SLC29A2: variants seen among roughly 807,000 people sequenced by gnomAD.
The protein encoded by SLC29A2 is solute carrier family 29 member 2.
Under a neutral mutation model 48.8 loss-of-function variants are expected in SLC29A2, and 37 were observed. That is an observed-to-expected ratio of 0.76 (90% CI 0.58 to 1.00). The LOEUF (loss-of-function observed/expected upper bound fraction) is 1.00, where lower values mean the gene tolerates loss of function less well. SLC29A2 is among the 50% of genes least tolerant of loss of function. The pLI, the probability that SLC29A2 is intolerant of heterozygous loss-of-function variation, is 0.00. For missense variants in SLC29A2, 533 were observed against 578.6 expected (o/e 0.92, Z 0.81); for synonymous variants, 233 against 261.7 (o/e 0.89, Z 1.06).
At chr11:66,364,111 G>T in intron 11 of SLC29A2, 114 bp downstream of exon 11, 3 of 890,080 alleles carry the variant, frequency 3.4e-6, no homozygotes, top group Non-Finnish European at 5.3e-6. Flanking sequence ...AGACAGCTAG[G>T]GTTGGGCTGG....
At chr11:66,368,452 C>T in intron 5 of SLC29A2, 85 bp downstream of exon 5, 2 of 1,558,356 alleles carry the variant, frequency 1.3e-6, no homozygotes, top group South Asian at 1.1e-5. Context: ...TCACCCAGAA[C>T]CCATGTGTCT....
At position 66,371,561 on chromosome 11, in the gene SLC29A2, A is replaced by G; in HGVS notation, c.29+2T>C. 6.5e-7 allele frequency: 1 copy of G among 1,550,022 alleles called. No homozygotes were observed. The highest frequency in any genetic ancestry group is 8.7e-7 in the Non-Finnish European group (1 of 1,148,086). On this transcript the variant is annotated splice_donor_variant, in intron 1 of 11. Transcript: ENST00000357440. LOFTEE classifies it high-confidence loss of function. ...ACTTGCAACGCACCCGGGCCCACTCACCTGTCCCGCGGGGCGTCTCCTCGC... is the reference window on the plus strand; with the variant it reads ...ACTTGCAACGCACCCGGGCCCACTCGCCTGTCCCGCGGGGCGTCTCCTCGC...
Position 66,362,921 on chromosome 11 carries a change from A to ATC in SLC29A2, c.*514_*515insGA. ...CGGAGTGGGTACAGTAAGTGTTGGCAATGAAAACACTGCTTGAGGCTGAGC... is the reference window on the plus strand; with the variant it reads ...CGGAGTGGGTACAGTAAGTGTTGGCATCATGAAAACACTGCTTGAGGCTGAGC... On this transcript the variant is annotated 3_prime_UTR_variant, in exon 12 of 12. Coordinates refer to ENST00000357440, the MANE Select transcript of SLC29A2 (RefSeq NM_001532.3). 1 of 206,618 alleles carries ATC rather than the reference A, an allele frequency of 4.8e-6. No individual in the cohort carries two copies. The highest frequency in any genetic ancestry group is 1.2e-4 in the East Asian group (1 of 8,252). The allele number at this position is 206,618 out of a possible 1,614,324, so 12.8% of individuals were successfully genotyped here. A position where few individuals can be genotyped will look rare whatever the true frequency, so the allele number is the denominator to read the frequency against.
chr11:66,368,163 G>A (rs1855817674), intron 5 of SLC29A2, among the ~76,000 whole-genome samples: 1 of 152,164 alleles, frequency 6.6e-6, no homozygotes. Context: ...CGTCGGTGGG[G>A]AAGCTAGCAC....
chr11:66,368,198 C>T (rs754623559), intron 5 of SLC29A2, among the ~76,000 whole-genome samples: 25 of 152,182 alleles, frequency 1.6e-4, no homozygotes, highest in Non-Finnish European at 2.8e-4. Flanking sequence ...CCTTGTCCAA[C>T]ACCCCTAGCT....
intron 8 of SLC29A2, 35 bp from the exon 9 acceptor site, chr11:66,366,266 G>A: frequency 6.2e-7 from 1 of 1,600,846 alleles, no homozygotes; most frequent in Non-Finnish European, 8.6e-7. Context: ...AGCAGGCAGG[G>A]CAGTCCCAGG....
At position 66,366,143 on chromosome 11, in the gene SLC29A2, G is replaced by A; in HGVS notation, c.956C>T (p.Thr319Ile). ...ACACTCACTCCACTTCCCAGGACTGGTGGAGCTGGTCACCATGGCTGTGAT... is the reference window on the plus strand; with the variant it reads ...ACACTCACTCCACTTCCCAGGACTGATGGAGCTGGTCACCATGGCTGTGAT... ...PAITAMVTSS[T>I]SPGKWSQFFN... Residue 319 changes from threonine to isoleucine, a missense_variant, in exon 9 of 12, where the codon ACC becomes ATC. Transcript: ENST00000357440. 6.2e-7 allele frequency: 1 copy of A among 1,614,106 alleles called. No individual in the cohort carries two copies. Among genetic ancestry groups the A allele is most frequent in the Non-Finnish European group, 8.5e-7 (1 of 1,179,952 alleles).
At chr11:66,368,702 C>T (rs1448421894) in intron 4 of SLC29A2, 31 bp from the exon 5 acceptor site, 3 of 1,581,386 alleles carry the variant, frequency 1.9e-6, no homozygotes, top group East Asian at 4.6e-5. Context: ...GGCTGCTGCT[C>T]AACTAGGCAA....
rs757950820 is a variant in SLC29A2 at position 66,368,688 on chromosome 11, TG to T, written c.416-18del. On this transcript the variant is annotated intron_variant, in intron 4 of 11. Transcript: ENST00000357440. ...CACTGAAGGCTGTGGAGGACAGGGA[TG>T]GGGGCTGCTGCTCAACTAGGCAAGA... 1.3e-6 allele frequency: 2 copies of T among 1,587,536 alleles called. No individual in the cohort carries two copies. The highest frequency in any genetic ancestry group is 1.1e-5 in the South Asian group (1 of 87,052).
upstream of SLC29A2, chr11:66,371,998 G>A (rs917007870): frequency 2.1e-4 from 57 of 269,582 alleles, no homozygotes; most frequent in African/African-American, 1.2e-3. Flanking sequence ...TAGGGACGAG[G>A]TGTAACCTCA....
In SLC29A2 at chr11:66,363,216, C is replaced by A; in HGVS notation, c.*220G>T. The A allele has an allele frequency of 1.7e-6, 1 of 589,438 alleles. No individual in the cohort carries two copies. The highest frequency in any genetic ancestry group is 3.1e-6 in the Non-Finnish European group (1 of 323,310). The allele number at this position is 589,438 out of a possible 1,614,324, so 36.5% of individuals were successfully genotyped here. Reference sequence around the variant, plus strand: ...TTTCCATGAGGTCTTGTGCGAGTCACCCCCATTCCTGGGTGAGGGTTAGAA... The same window carrying A: ...TTTCCATGAGGTCTTGTGCGAGTCAACCCCATTCCTGGGTGAGGGTTAGAA... On this transcript the variant is annotated 3_prime_UTR_variant, in exon 12 of 12. Coordinates refer to ENST00000357440, the MANE Select transcript of SLC29A2 (RefSeq NM_001532.3).
Position 66,367,801 on chromosome 11 carries a change from T to C in SLC29A2, c.619A>G (p.Ile207Val). ...ITPCVGILMS[I>V]VCYLSLPHLK... ...TGAGGCAGGCTCAGGTAACACACGA[T>C]GGACATGAGGATGCCCACACAGGGC... The change falls in exon 6 of 12, where the codon ATC (isoleucine) becomes GTC (valine). Residue 207 changes from isoleucine (I) to valine (V), a missense_variant. Ile to Val is a conservative substitution (Grantham distance 29). Coordinates refer to ENST00000357440, the MANE Select transcript of SLC29A2 (RefSeq NM_001532.3). 2 of 1,614,152 alleles carry C rather than the reference T, an allele frequency of 1.2e-6. No homozygotes were observed. The highest frequency in any genetic ancestry group is 1.7e-6 in the Non-Finnish European group (2 of 1,180,000).
chr11:66,366,182 G>T lies in SLC29A2; in HGVS notation c.917C>A (p.Ser306Tyr). 1 of 1,614,204 alleles carries T rather than the reference G, an allele frequency of 6.2e-7. No homozygotes were observed. The highest frequency in any genetic ancestry group is 8.5e-7 in the Non-Finnish European group (1 of 1,180,038). ...CLVLVFTVTL[S>Y]VFPAITAMVT... ...CATGGCTGTGATGGCGGGGAAGACGGACAGGGTGACTGTGAAGACCAACAC... is the reference window on the plus strand; with the variant it reads ...CATGGCTGTGATGGCGGGGAAGACGTACAGGGTGACTGTGAAGACCAACAC... The change falls in exon 9 of 12, where the codon TCC (serine) becomes TAC (tyrosine). Residue 306 changes from serine to tyrosine, a missense_variant. By Grantham distance (144) the Ser-to-Tyr change is moderately radical (BLOSUM62 -2). Coordinates refer to ENST00000357440, the MANE Select transcript of SLC29A2 (RefSeq NM_001532.3).
Position 66,364,353 on chromosome 11 carries a change from C to G in SLC29A2, c.1131G>C (p.Leu377=). Residue 377 remains leucine (L), a synonymous_variant, in exon 11 of 12, where the codon CTG becomes CTC. Coordinates refer to ENST00000357440, the MANE Select transcript of SLC29A2 (RefSeq NM_001532.3). ...LRFLFVPLFM[L]CHVPQRSRLP... ...GCCGGGACCTCTGGGGCACGTGGCACAGCATGAAGAGGGGCACGAACAGGA... is the reference window on the plus strand; with the variant it reads ...GCCGGGACCTCTGGGGCACGTGGCAGAGCATGAAGAGGGGCACGAACAGGA... 6.2e-7 allele frequency: 1 copy of G among 1,614,074 alleles called. No homozygotes were observed. The highest frequency in any genetic ancestry group is 8.5e-7 in the Non-Finnish European group (1 of 1,180,024).
At chr11:66,372,195 G>T (rs886847764), upstream of SLC29A2, 1 of 152,292 alleles carries the variant, frequency 6.6e-6, no homozygotes, top group Non-Finnish European at 1.5e-5. Flanking sequence ...GGGCCCGGGC[G>T]GGGGAACCAG....
intron 2 of SLC29A2, among the ~76,000 whole-genome samples, 165 bp downstream of exon 2, chr11:66,371,079 C>T (rs375055008): frequency 2.4e-4 from 36 of 152,254 alleles, no homozygotes; most frequent in African/African-American, 8.4e-4. Context: ...TTCTACTTTC[C>T]TAGCCACGGG....
chr11:66,366,373 C>T lies in SLC29A2; in HGVS notation c.867+58G>A. The T allele has an allele frequency of 3.7e-6, 6 of 1,613,546 alleles. No homozygotes were observed. The South Asian group carries it at 5.5e-5, about 15-fold the overall frequency. On this transcript the variant is annotated intron_variant, in intron 8 of 11. Transcript: ENST00000357440. ...CACTGTGACCCTATGACCTTGGAGT[C>T]AATGTGAGCCCCATTCTTCCCCAAA...
chr11:66,364,471 G>A, intron 10 of SLC29A2, 47 bp from the exon 11 acceptor site: 1 of 1,458,386 alleles, frequency 6.9e-7, no homozygotes, highest in Non-Finnish European at 9.5e-7. Flanking sequence ...CCAGGTCTCT[G>A]CTCCAGGGCA....
intron 10 of SLC29A2, 43 bp from the exon 11 acceptor site, chr11:66,364,467 C>T: frequency 6.7e-7 from 1 of 1,493,904 alleles, no homozygotes; most frequent in Non-Finnish European, 9.2e-7. Context: ...GGAGCCAGGT[C>T]TCTGCTCCAG....
Sources: gnomAD v4.1 joint callset for allele counts (sites outside exome capture counted in the v4.1 genomes callset) on GRCh38, gnomAD v4.1.1 for gene constraint, MANE v1.5 for transcripts, NCBI Gene and HGNC (gene_info 2026-07-23, HGNC 2026-07-21) for gene names.